Variants in AMBRA1 observed in about 807,000 individuals in gnomAD.
AMBRA1 encodes the protein activating molecule in BECN1-regulated autophagy protein 1.
A neutral mutation model predicts 125.4 loss-of-function variants in AMBRA1; 47 were observed. That is an observed-to-expected ratio of 0.37 (90% CI 0.30 to 0.48). AMBRA1 has a LOEUF of 0.48. Among genes scored for constraint, AMBRA1 ranks in the 20% least tolerant of loss-of-function variants. AMBRA1 has a pLI of 0.99. For missense variants in AMBRA1, 1,331 were observed against 1,693.4 expected (o/e 0.79, Z 3.76); for synonymous variants, 626 against 655.5 (o/e 0.95, Z 0.69).
intron 1 of AMBRA1, among the ~76,000 whole-genome samples, chr11:46,563,368 G>A (rs1042138971): frequency 6.6e-6 from 1 of 152,152 alleles, no homozygotes; most frequent in African/African-American, 2.4e-5. Flanking sequence ...GGGACTACAG[G>A]TGTATATAAC....
chr11:46,512,964 T>C lies in AMBRA1; in HGVS notation c.2073-151A>G, dbSNP rs3802889. The C allele has an allele frequency of 5.1e-4, 319 of 619,612 alleles. 1 individual carries two copies. The East Asian group carries it at 7.0e-3, about 14-fold the overall frequency. The allele number at this position is 619,612 out of a possible 1,614,324, so 38.4% of individuals were successfully genotyped here. A position where few individuals can be genotyped will look rare whatever the true frequency, so the allele number is the denominator to read the frequency against. ...GGATCACACCCTTCTACAAGCTAAG[T>C]AGGTAGAGACACAAATAAATGAAGA... On this transcript the variant is annotated intron_variant, in intron 7 of 17. Coordinates refer to ENST00000683756, the MANE Select transcript of AMBRA1 (RefSeq NM_001387011.1).
At chr11:46,474,690 T>C (rs1013028081) in intron 11 of AMBRA1, among the ~76,000 whole-genome samples, 21 of 152,190 alleles carry the variant, frequency 1.4e-4, no homozygotes, top group African/African-American at 4.8e-4. Flanking sequence ...ACCTGGCCTC[T>C]ACCCTTGTTC....
intron 11 of AMBRA1, among the ~76,000 whole-genome samples, chr11:46,467,881 C>T (rs1949395327): frequency 6.6e-6 from 1 of 152,100 alleles, no homozygotes; most frequent in Non-Finnish European, 1.5e-5. Context: ...CATGTTCATT[C>T]TTTCATGTTT....
chr11:46,422,566 G>C (rs1425699513), intron 14 of AMBRA1, among the ~76,000 whole-genome samples: 1 of 152,046 alleles, frequency 6.6e-6, no homozygotes, highest in African/African-American at 2.4e-5. Context: ...TTCAAAGATA[G>C]ACAGGAAAAG....
intron 17 of AMBRA1, among the ~76,000 whole-genome samples, chr11:46,398,796 CAG>C (rs1322142941): frequency 6.8e-6 from 1 of 147,036 alleles, no homozygotes; most frequent in Non-Finnish European, 1.5e-5. Context: ...ATTTTTGAGA[CAG>C]AGTCTTGCTC....
At chr11:46,413,589 C>T (rs977872984) in intron 15 of AMBRA1, among the ~76,000 whole-genome samples, 3 of 152,100 alleles carry the variant, frequency 2.0e-5, no homozygotes, top group African/African-American at 4.8e-5. Context: ...CTCCCAGATT[C>T]GAGTGATTTT....
intron 1 of AMBRA1, among the ~76,000 whole-genome samples, chr11:46,583,105 A>T (rs906139106): frequency 6.6e-6 from 1 of 152,166 alleles, no homozygotes; most frequent in Admixed American, 6.6e-5. Context: ...AAACTATACT[A>T]CAAGGCTACA....
chr11:46,408,654 T>C lies in AMBRA1; in HGVS notation c.3262A>G (p.Ile1088Val). 6.2e-7 allele frequency: 1 copy of C among 1,602,338 alleles called. No individual in the cohort carries two copies. The highest frequency in any genetic ancestry group is 1.3e-5 in the African/African-American group (1 of 74,688). The change falls in exon 17 of 18, where the codon ATT (isoleucine) becomes GTT (valine). Residue 1088 changes from isoleucine to valine, a missense_variant. Ile to Val is a conservative substitution (Grantham distance 29, BLOSUM62 3). Transcript: ENST00000683756. ...TDRDMGLMNA[I>V]GLQPRNPATS... is the part of the protein sequence containing the mutation. ...GCAGGGTTCCGGGGCTGAAGCCCAA[T>C]GGCATTCATCAGCCCCATGTCTCTG...
rs144831832 is a variant in AMBRA1, at chr11:46,592,107, G to A, written c.-121+1721C>T. Among the ~76,000 whole-genome samples, 224 of 151,748 alleles carry A rather than the reference G, an allele frequency of 1.5e-3. 1 individual carries two copies. Among genetic ancestry groups the A allele is most frequent in the African/African-American group, 5.2e-3 (214 of 41,416 alleles). Reference sequence around the variant, plus strand: ...ATTACAGGCATGCGCCACCACGCCCGGCTAATTTTGAATTTTTAGGTTTCT... The same window carrying A: ...ATTACAGGCATGCGCCACCACGCCCAGCTAATTTTGAATTTTTAGGTTTCT... On this transcript the variant is annotated intron_variant, in intron 1 of 17. Transcript: ENST00000683756.
At chr11:46,433,375 G>A in intron 14 of AMBRA1, 99 bp downstream of exon 14, 1 of 1,424,962 alleles carries the variant, frequency 7.0e-7, no homozygotes, top group Non-Finnish European at 9.4e-7. Context: ...CTGTGTGATA[G>A]CTCTGGTCCT....
intron 11 of AMBRA1, among the ~76,000 whole-genome samples, chr11:46,483,727 C>T (rs1028088049): frequency 6.6e-6 from 1 of 152,058 alleles, no homozygotes. Flanking sequence ...TGGTGAAACC[C>T]CATCTCTACT....
chr11:46,465,368 C>T (rs893830866), intron 11 of AMBRA1, among the ~76,000 whole-genome samples: 1 of 152,214 alleles, frequency 6.6e-6, no homozygotes, highest in Non-Finnish European at 1.5e-5. Flanking sequence ...CAACGGCAAT[C>T]ATCTCTTCAT....
chr11:46,551,803 G>A (rs966375816), intron 1 of AMBRA1, among the ~76,000 whole-genome samples: 14 of 152,076 alleles, frequency 9.2e-5, no homozygotes, highest in Admixed American at 2.6e-4. Context: ...CAAGGCAGAC[G>A]GATCACCTGA....
At chr11:46,474,355 T>C (rs185442984) in intron 11 of AMBRA1, among the ~76,000 whole-genome samples, 9 of 152,166 alleles carry the variant, frequency 5.9e-5, no homozygotes, top group Admixed American at 1.3e-4. Context: ...GGTCTATTCA[T>C]ATACTTCTCA....
intron 7 of AMBRA1, among the ~76,000 whole-genome samples, chr11:46,530,307 C>G (rs1952158335): frequency 6.6e-6 from 1 of 152,166 alleles, no homozygotes; most frequent in Non-Finnish European, 1.5e-5. Context: ...CATTCAGCCC[C>G]AGAGAGAGGA....
intron 11 of AMBRA1, 71 bp from the exon 12 acceptor site, chr11:46,443,669 A>G: frequency 1.5e-6 from 2 of 1,303,722 alleles, no homozygotes; most frequent in Non-Finnish European, 2.2e-6. Flanking sequence ...ACATAAAACA[A>G]TACTGGGATT....
intron 11 of AMBRA1, among the ~76,000 whole-genome samples, chr11:46,462,814 C>T (rs565976772): frequency 5.6e-4 from 85 of 152,010 alleles, no homozygotes; most frequent in Non-Finnish European, 1.0e-3. Context: ...TGCAGTGGTG[C>T]GATCCCAGCT....
intron 11 of AMBRA1, among the ~76,000 whole-genome samples, chr11:46,479,687 A>G (rs1949978196): frequency 6.6e-6 from 1 of 152,168 alleles, no homozygotes; most frequent in Admixed American, 6.5e-5. Flanking sequence ...ACAGAGCGAG[A>G]TTCCGTCACA....
chr11:46,506,553 A>C (rs1426359492), intron 9 of AMBRA1, among the ~76,000 whole-genome samples: 3 of 152,202 alleles, frequency 2.0e-5, no homozygotes, highest in African/African-American at 7.2e-5. Context: ...TTAAGGAAGA[A>C]AGCTGAGGGG....
Sources: gnomAD v4.1 joint callset for allele counts (sites outside exome capture counted in the v4.1 genomes callset) on GRCh38, gnomAD v4.1.1 for gene constraint, MANE v1.5 for transcripts, NCBI Gene and HGNC (gene_info 2026-07-23, HGNC 2026-07-21) for gene names.